GEMIN2: variants seen among roughly 807,000 people sequenced by gnomAD.
The protein encoded by GEMIN2 is gem nuclear organelle associated protein 2, also known as gem-associated protein 2.
In GEMIN2, 37 loss-of-function variants were observed where a neutral mutation model predicts 45.8. The observed-to-expected ratio is 0.81, with a 90% CI of 0.62 to 1.06. The LOEUF (loss-of-function observed/expected upper bound fraction) is 1.06, where lower values mean the gene tolerates loss of function less well. Among genes scored for constraint, GEMIN2 ranks in the 50% least tolerant of loss-of-function variants. The probability of loss-of-function intolerance (pLI) is 0.00; values close to 1 mark genes in which losing one functional copy is unlikely to be tolerated. For synonymous variants in GEMIN2, 101 were observed against 111.5 expected, an observed-to-expected ratio of 0.91 and a Z score of 0.60; for missense variants, 335 against 321.8, an observed-to-expected ratio of 1.04 and a Z score of -0.31.
rs972368118 is a variant in GEMIN2 at position 39,115,031 on chromosome 14, G to C, written c.222+118G>C. ...GTAAGATTTGACTACTCCGTGCAAA[G>C]TTAGACATTCGCTTGTACTTTTTCC... is the stretch of plus-strand genomic sequence containing the variant. On this transcript the variant is annotated intron_variant, in intron 2 of 9. Transcript: ENST00000308317. The C allele has an allele frequency of 2.2e-5, 14 of 644,130 alleles. No homozygotes were observed. The African/African-American group carries it at 2.4e-4, about 11-fold the overall frequency. The allele number at this position is 644,130 out of a possible 1,614,324, so 39.9% of individuals were successfully genotyped here. A position where few individuals can be genotyped will look rare whatever the true frequency, so the allele number is the denominator to read the frequency against.
chr14:39,118,726 A>T, intron 4 of GEMIN2, 127 bp downstream of exon 4: 1 of 500,148 alleles, frequency 2.0e-6, no homozygotes, highest in Admixed American at 3.2e-5. Flanking sequence ...ATATACCATT[A>T]ATAGTAACAA....
chr14:39,122,492 C>T lies in GEMIN2; in HGVS notation c.435C>T (p.Asp145=), dbSNP rs776624762. ...GTCTGGGTGAAAAGTTATGTGCTGA[C>T]GGGGCTGTTGGACCAGCCACAAATG... ...KFCLGEKLCA[D]GAVGPATNES... Residue 145 remains aspartate (D), a synonymous_variant, in exon 5 of 10, where the codon GAC becomes GAT. Coordinates refer to ENST00000308317, the MANE Select transcript of GEMIN2 (RefSeq NM_003616.3). 8.1e-6 allele frequency: 13 copies of T among 1,607,644 alleles called. No individual in the cohort carries two copies. The highest frequency in any genetic ancestry group is 2.2e-5 in the South Asian group (2 of 90,646).
intron 6 of GEMIN2, among the ~76,000 whole-genome samples, chr14:39,126,979 G>A (rs1014770553): frequency 1.3e-5 from 2 of 151,846 alleles, no homozygotes; most frequent in African/African-American, 4.8e-5. Context: ...TGGCCAGGAT[G>A]GTCTTTGTCT....
At chr14:39,121,525 CTG>C (rs1447088747) in intron 4 of GEMIN2, among the ~76,000 whole-genome samples, 1 of 152,166 alleles carries the variant, frequency 6.6e-6, no homozygotes, top group Non-Finnish European at 1.5e-5. Context: ...GAGCAAGACC[CTG>C]TCTCAAAAAA....
rs142790142 is a variant in GEMIN2, at chr14:39,131,391, T to C, written c.601-567T>C. ...TCTGGAATGTTGGGACTGCAGGTTT[T>C]TTCTTGTGCTTGTGGTATTCTTCAC... On this transcript the variant is annotated intron_variant, in intron 7 of 9. Coordinates refer to ENST00000308317, the MANE Select transcript of GEMIN2 (RefSeq NM_003616.3). Among the ~76,000 whole-genome samples the C allele has an allele frequency of 2.6e-5, 4 of 152,326 alleles. No homozygotes were observed. The East Asian group carries it at 7.7e-4, about 29-fold the overall frequency.
intron 4 of GEMIN2, among the ~76,000 whole-genome samples, chr14:39,119,791 G>A (rs2052553738): frequency 6.6e-6 from 1 of 152,170 alleles, no homozygotes; most frequent in Non-Finnish European, 1.5e-5. Context: ...AAGCGTGAAG[G>A]GAAGTAACTT....
intron 2 of GEMIN2, 66 bp from the exon 3 acceptor site, chr14:39,117,933 G>A (rs2052529626): frequency 9.6e-6 from 7 of 729,300 alleles, no homozygotes; most frequent in Non-Finnish European, 1.7e-5. Flanking sequence ...CTTTTGCTTT[G>A]CAGAGGCATG....
At chr14:39,115,154 T>C (rs2052485303) in intron 2 of GEMIN2, among the ~76,000 whole-genome samples, 5 of 152,250 alleles carry the variant, frequency 3.3e-5, no homozygotes. Context: ...CATTATCCAG[T>C]CCTTTCAAAG....
intron 5 of GEMIN2, among the ~76,000 whole-genome samples, chr14:39,124,233 G>A (rs942999932): frequency 3.9e-5 from 6 of 152,026 alleles, no homozygotes; most frequent in Non-Finnish European, 8.8e-5. Flanking sequence ...CTCCAAAGTA[G>A]ACTTTTAAAA....
intron 7 of GEMIN2, among the ~76,000 whole-genome samples, chr14:39,128,971 C>T (rs1210968635): frequency 6.6e-6 from 1 of 152,118 alleles, no homozygotes; most frequent in Non-Finnish European, 1.5e-5. Context: ...TTAGATCTGG[C>T]CAGGCACAGT....
In GEMIN2 at chr14:39,124,420, G is replaced by A. The variant is rs190032501; in HGVS notation, c.487-572G>A. Among the ~76,000 whole-genome samples the A allele has an allele frequency of 6.8e-3, 992 of 144,882 alleles. 9 individuals carry two copies. Among genetic ancestry groups the A allele is most frequent in the African/African-American group, 0.022 (918 of 41,280 alleles). ...AGTTAGTTTTTTCAAGTACTATCAT[G>A]TAAAAAATTTTTAGTCTTTAACATT... On this transcript the variant is annotated intron_variant, in intron 5 of 9. Transcript: ENST00000308317.
intron 7 of GEMIN2, among the ~76,000 whole-genome samples, chr14:39,130,131 T>C (rs2052698096): frequency 6.6e-6 from 1 of 151,830 alleles, no homozygotes; most frequent in Non-Finnish European, 1.5e-5. Flanking sequence ...ATGCTAGCTT[T>C]ACATAGTAAA....
chr14:39,117,917 G>T, intron 2 of GEMIN2, 82 bp from the exon 3 acceptor site: 4 of 615,706 alleles, frequency 6.5e-6, no homozygotes, highest in East Asian at 3.0e-5. Context: ...CTTTATCTTG[G>T]TTTTACTTTT....
In GEMIN2 at chr14:39,136,731, G is replaced by T; in HGVS notation, c.*252G>T. 2.7e-6 allele frequency: 1 copy of T among 370,828 alleles called. No homozygotes were observed. Among genetic ancestry groups the T allele is most frequent in the Non-Finnish European group, 4.8e-6 (1 of 208,474 alleles). 23.0% of individuals were successfully genotyped at this position (370,828 alleles called of 1,614,324 possible). ...TTTCTGTAATCAAGCAGCTTGCATAGAAATTGTATGATGAAATTTTACATA... is the reference window on the plus strand; with the variant it reads ...TTTCTGTAATCAAGCAGCTTGCATATAAATTGTATGATGAAATTTTACATA... On this transcript the variant is annotated 3_prime_UTR_variant, in exon 10 of 10. Transcript: ENST00000308317.
At position 39,133,709 on chromosome 14, in the gene GEMIN2, T is replaced by A; in HGVS notation, c.760T>A (p.Leu254Met). 1 of 1,528,586 alleles carries A rather than the reference T, an allele frequency of 6.5e-7. No homozygotes were observed. The highest frequency in any genetic ancestry group is 8.9e-7 in the Non-Finnish European group (1 of 1,122,952). The allele number at this position is 1,528,586 out of a possible 1,614,324, so 94.7% of individuals were successfully genotyped here. A position where few individuals can be genotyped will look rare whatever the true frequency, so the allele number is the denominator to read the frequency against. Residue 254 changes from leucine to methionine, a missense_variant, in exon 9 of 10, where the codon TTG becomes ATG. Leu to Met is a conservative substitution (Grantham distance 15). Coordinates refer to ENST00000308317, the MANE Select transcript of GEMIN2 (RefSeq NM_003616.3). ...RVPALNLLIC[L>M]VSRYFDQRDL... Reference sequence around the variant, plus strand: ...TCCTGCTTTGAATTTATTAATCTGCTTGGTTAGCAGGTATAGTTAATCCTT... The same window carrying A: ...TCCTGCTTTGAATTTATTAATCTGCATGGTTAGCAGGTATAGTTAATCCTT...
chr14:39,135,597 GAAAAAAGAAAA>G (rs2052772096), intron 9 of GEMIN2, among the ~76,000 whole-genome samples: 1 of 147,864 alleles, frequency 6.8e-6, no homozygotes, highest in South Asian at 2.1e-4. Flanking sequence ...AAAAAAAAAA[GAAAAAAGAAAA>G]AAAAAAGGAA....
At chr14:39,129,894 G>A (rs936966263) in intron 7 of GEMIN2, among the ~76,000 whole-genome samples, 11 of 147,912 alleles carry the variant, frequency 7.4e-5, no homozygotes, top group African/African-American at 2.5e-4. Flanking sequence ...GTATATCCTG[G>A]TACAAGGTAC....
At chr14:39,124,703 GC>G (rs2052618302) in intron 5 of GEMIN2, among the ~76,000 whole-genome samples, 1 of 152,118 alleles carries the variant, frequency 6.6e-6, no homozygotes, top group Non-Finnish European at 1.5e-5. Flanking sequence ...AGCCCAGGAA[GC>G]AGAGGTTGCA....
chr14:39,114,807 CG>C, intron 1 of GEMIN2, 21 bp from the exon 2 acceptor site: 1 of 1,269,992 alleles, frequency 7.9e-7, no homozygotes, highest in Non-Finnish European at 1.2e-6. Flanking sequence ...TTTAATTTAT[CG>C]CGTTTATTAC....
Sources: allele counts gnomAD v4.1 joint callset (sites outside exome capture counted in the v4.1 genomes callset), GRCh38; gene constraint gnomAD v4.1.1; transcripts MANE v1.5; gene names NCBI Gene and HGNC (gene_info 2026-07-23, HGNC 2026-07-21).